The following RTN4 variants were observed in gnomAD, a reference collection of about 807,000 sequenced individuals.
The protein encoded by RTN4 is reticulon-4.
In RTN4, 32 loss-of-function variants were observed where a neutral mutation model predicts 90.4. That is an observed-to-expected ratio of 0.35 (90% CI 0.27 to 0.48). The LOEUF is 0.48. RTN4 is among the 20% of genes least tolerant of loss of function. The pLI is 0.99. For missense variants in RTN4, 1,706 were observed against 1,430.2 expected (o/e 1.19, Z -3.11); for synonymous variants, 629 against 552.5 (o/e 1.14, Z -1.94).
intron 3 of RTN4, among the ~76,000 whole-genome samples, chr2:55,013,552 A>G (rs1219002056): frequency 7.3e-6 from 1 of 137,054 alleles, no homozygotes; most frequent in African/African-American, 2.7e-5. Flanking sequence ...CTACTAAACA[A>G]GAAACTCTTT....
chr2:55,119,717 C>G, the RTN4 span, among the ~76,000 whole-genome samples: 1 of 152,184 alleles, frequency 6.6e-6, no homozygotes, highest in Non-Finnish European at 1.5e-5. Context: ...CCCCAGGGAT[C>G]TCCCAGGGCA....
chr2:55,127,011 G>C, the RTN4 span, among the ~76,000 whole-genome samples: 2 of 152,184 alleles, frequency 1.3e-5, no homozygotes, highest in Non-Finnish European at 2.9e-5. Context: ...GTCTACTTGA[G>C]GGGGAGAGTA....
chr2:54,998,014 T>G (rs1679567595), intron 3 of RTN4, among the ~76,000 whole-genome samples: 1 of 152,164 alleles, frequency 6.6e-6, no homozygotes, highest in South Asian at 2.1e-4. Context: ...AGGGGGAAAC[T>G]ACTGTACTGA....
upstream of RTN4, among the ~76,000 whole-genome samples, chr2:55,112,940 T>C (rs141195099): frequency 4.3e-3 from 659 of 152,136 alleles, 2 homozygotes; most frequent in African/African-American, 0.015. Context: ...TTTACAAAGA[T>C]GGAAAAATTG....
At chr2:55,016,072 C>A (rs1681012664) in intron 3 of RTN4, among the ~76,000 whole-genome samples, 1 of 151,976 alleles carries the variant, frequency 6.6e-6, no homozygotes, top group African/African-American at 2.4e-5. Context: ...CATTATTTAT[C>A]AATAACAAAG....
At chr2:55,030,876 T>C (rs1236324011) in intron 1 of RTN4, among the ~76,000 whole-genome samples, 3 of 152,180 alleles carry the variant, frequency 2.0e-5, no homozygotes, top group Non-Finnish European at 4.4e-5. Context: ...ACCCAGTAAA[T>C]ACCTTGTAAT....
intron 3 of RTN4, among the ~76,000 whole-genome samples, chr2:54,990,242 AG>A (rs1195423134): frequency 6.6e-6 from 1 of 152,262 alleles, no homozygotes; most frequent in African/African-American, 2.4e-5. Flanking sequence ...AACAGTCAAT[AG>A]TTGTATGTAT....
chr2:55,092,617 T>C (rs569480264), intron 1 of RTN4, among the ~76,000 whole-genome samples: 2 of 152,360 alleles, frequency 1.3e-5, no homozygotes, highest in South Asian at 4.1e-4. Context: ...GGAATGAGTA[T>C]ACCTGAGTTT....
rs1668239186 is a variant in RTN4, at chr2:55,058,900, G to T, written c.-63+21589C>A. 2.6e-5 allele frequency among the ~76,000 whole-genome samples: 4 copies of T among 151,944 alleles called. No homozygotes were observed. In the South Asian group the frequency reaches 8.3e-4, roughly 32 times the overall value. On this transcript the variant is annotated intron_variant, in intron 2 of 3. Coordinates refer to the RTN4 transcript ENST00000427710. ...TTAAATTATAATAATAGAGAGGAGG[G>T]TCTCACTGTGTTGCCCAGGTTGGTC...
chr2:54,974,749 A>G lies in RTN4; in HGVS notation c.3376T>C (p.Trp1126Arg). The G allele has an allele frequency of 6.2e-7, 1 of 1,613,828 alleles. No homozygotes were observed. Among genetic ancestry groups the G allele is most frequent in the Non-Finnish European group, 8.5e-7 (1 of 1,179,662 alleles). Residue 1126 changes from tryptophan (W) to arginine (R), a missense_variant, in exon 6 of 9, where the codon TGG becomes CGG. Trp to Arg is a moderately radical substitution (Grantham distance 101, BLOSUM62 -3). Transcript: ENST00000337526. ...VDSLKFAVLM[W>R]VFTYVGALFN... ...AAGGCACCAACATAGGTAAATACCC[A>G]CATCAACACTGCAAACTATAAGAAA...
the RTN4 span, among the ~76,000 whole-genome samples, chr2:55,124,902 T>C: frequency 6.6e-6 from 1 of 151,984 alleles, no homozygotes; most frequent in Non-Finnish European, 1.5e-5. Context: ...AGCCCAGAAA[T>C]AAGGCCACAT....
At chr2:55,092,126 G>A (rs1304555010) in intron 1 of RTN4, among the ~76,000 whole-genome samples, 1 of 151,778 alleles carries the variant, frequency 6.6e-6, no homozygotes, top group East Asian at 1.9e-4. Flanking sequence ...GGAGTTTGAG[G>A]CTGCAGTGAG....
At chr2:55,130,681 G>A in the RTN4 span, among the ~76,000 whole-genome samples, 2 of 152,200 alleles carry the variant, frequency 1.3e-5, no homozygotes, top group South Asian at 4.1e-4. Context: ...AACCCAAGAG[G>A]TGGAGGTTGC....
chr2:55,115,244 C>CTTTCTACAAGCACTAGAGGACAATCTG (rs1668103301), upstream of RTN4, among the ~76,000 whole-genome samples: 2 of 152,176 alleles, frequency 1.3e-5, no homozygotes, highest in African/African-American at 2.4e-5. Context: ...GTCTGTATTC[C>CTTTCTACAAGCACTAGAGGACAATCTG]TTTCTACAAG....
intron 1 of RTN4, among the ~76,000 whole-genome samples, chr2:55,097,997 A>G (rs573811512): frequency 1.3e-5 from 2 of 151,704 alleles, no homozygotes; most frequent in African/African-American, 4.8e-5. Context: ...CCCTTCCCCC[A>G]ATCTCTTTTT....
At chr2:55,108,698 A>C (rs900000536) in intron 1 of RTN4, among the ~76,000 whole-genome samples, 1 of 152,134 alleles carries the variant, frequency 6.6e-6, no homozygotes, top group Non-Finnish European at 1.5e-5. Context: ...ATTCCCATAA[A>C]GAAATAAATA....
chr2:55,053,121 C>T (rs182707483), upstream of RTN4, among the ~76,000 whole-genome samples: 348 of 152,144 alleles, frequency 2.3e-3, 2 homozygotes, highest in Non-Finnish European at 3.8e-3. Context: ...TTTTATTAAT[C>T]TCAGTGACTT....
chr2:55,060,919 C>G (rs1189615126), intron 2 of RTN4, among the ~76,000 whole-genome samples: 2 of 152,098 alleles, frequency 1.3e-5, no homozygotes, highest in Non-Finnish European at 2.9e-5. Flanking sequence ...AATCCTGTCT[C>G]AAAATAAAGA....
At chr2:55,018,211 G>C (rs1467785090) in intron 3 of RTN4, among the ~76,000 whole-genome samples, 1 of 152,170 alleles carries the variant, frequency 6.6e-6, no homozygotes, top group Non-Finnish European at 1.5e-5. Context: ...GAGAGTGCTT[G>C]TTGGTCAGAA....
Sources: allele counts gnomAD v4.1 joint callset (sites outside exome capture counted in the v4.1 genomes callset), GRCh38; gene constraint gnomAD v4.1.1; transcripts MANE v1.5; gene names NCBI Gene and HGNC (gene_info 2026-07-23, HGNC 2026-07-21).